CNTNAP2: variants seen among roughly 807,000 people sequenced by gnomAD.
CNTNAP2 encodes the protein contactin associated protein 2, also known as contactin-associated protein-like 2.
Under a neutral mutation model 155.2 loss-of-function variants are expected in CNTNAP2, and 98 were observed. The ratio of observed to expected loss-of-function variants is 0.63; its 90% CI spans 0.54 to 0.75. The LOEUF (loss-of-function observed/expected upper bound fraction) is 0.75, where lower values mean the gene tolerates loss of function less well. CNTNAP2 is among the 30% of genes least tolerant of loss of function. The pLI is 0.00. For synonymous variants in CNTNAP2, 651 were observed against 631.2 expected (o/e 1.03, Z -0.47); for missense variants, 1,727 against 1,688.1 (o/e 1.02, Z -0.40).
At chr7:147,361,817 T>A (rs55738652) in intron 9 of CNTNAP2, among the ~76,000 whole-genome samples, 3,010 of 152,288 alleles carry the variant, frequency 0.02, 97 homozygotes, top group African/African-American at 0.069. Context: ...TCACCTTTTT[T>A]ATTTTTAACA....
chr7:147,421,446 A>G (rs1171760160), intron 10 of CNTNAP2, among the ~76,000 whole-genome samples: 1 of 152,058 alleles, frequency 6.6e-6, no homozygotes, highest in Admixed American at 6.6e-5. Context: ...CACAGCATCC[A>G]TTCTATTTTA....
intron 1 of CNTNAP2, among the ~76,000 whole-genome samples, chr7:146,670,346 G>A (rs939788834): frequency 6.6e-6 from 1 of 152,220 alleles, no homozygotes; most frequent in African/African-American, 2.4e-5. Context: ...AATTTTGCCT[G>A]CACCTCATTC....
chr7:147,151,537 A>C (rs1801825509), intron 8 of CNTNAP2, among the ~76,000 whole-genome samples: 1 of 152,184 alleles, frequency 6.6e-6, no homozygotes, highest in Admixed American at 6.5e-5. Flanking sequence ...AAATATTCAC[A>C]TCTTGTTTGG....
intron 4 of CNTNAP2, among the ~76,000 whole-genome samples, chr7:147,090,904 TA>T (rs1403677180): frequency 9.2e-5 from 14 of 152,142 alleles, no homozygotes; most frequent in African/African-American, 3.4e-4. Flanking sequence ...CATAATGTGC[TA>T]AAATAATCAA....
intron 8 of CNTNAP2, among the ~76,000 whole-genome samples, chr7:147,160,649 G>A (rs1214125962): frequency 6.6e-6 from 1 of 152,102 alleles, no homozygotes; most frequent in Non-Finnish European, 1.5e-5. Flanking sequence ...GTAATATGAT[G>A]TGTTAAGTAC....
intron 3 of CNTNAP2, among the ~76,000 whole-genome samples, chr7:146,855,807 G>GTATATATATATA (rs367900395): frequency 1.8e-5 from 2 of 111,020 alleles, no homozygotes; most frequent in African/African-American, 3.2e-5. Context: ...GTGTTAATGA[G>GTATATATATATA]TATATATATA....
chr7:148,138,513 T>C (rs1437545139), intron 16 of CNTNAP2, among the ~76,000 whole-genome samples: 2 of 152,184 alleles, frequency 1.3e-5, no homozygotes, highest in Non-Finnish European at 2.9e-5. Flanking sequence ...CCAAAGCACA[T>C]TTCCTTAAAT....
At chr7:148,079,903 G>C (rs1349456117) in intron 15 of CNTNAP2, among the ~76,000 whole-genome samples, 3 of 152,166 alleles carry the variant, frequency 2.0e-5, no homozygotes, top group African/African-American at 7.2e-5. Flanking sequence ...ACTTTGGAAT[G>C]CCCTTGGCTG....
intron 3 of CNTNAP2, among the ~76,000 whole-genome samples, chr7:146,843,296 G>A (rs1199198209): frequency 6.7e-6 from 1 of 150,296 alleles, no homozygotes; most frequent in African/African-American, 2.5e-5. Context: ...ACAGGCGTGA[G>A]CCACCGCGCC....
At chr7:146,997,072 T>G (rs1798326106) in intron 3 of CNTNAP2, among the ~76,000 whole-genome samples, 1 of 152,068 alleles carries the variant, frequency 6.6e-6, no homozygotes, top group Non-Finnish European at 1.5e-5. Context: ...AACCTCTTTT[T>G]CTTTATAAAT....
intron 11 of CNTNAP2, among the ~76,000 whole-genome samples, chr7:147,512,331 TG>T (rs1034352137): frequency 6.6e-5 from 10 of 152,170 alleles, no homozygotes; most frequent in African/African-American, 2.4e-4. Flanking sequence ...TAAATTTTTT[TG>T]CACAATCAAA....
At chr7:147,136,015 T>A (rs899073672) in intron 8 of CNTNAP2, among the ~76,000 whole-genome samples, 1 of 151,124 alleles carries the variant, frequency 6.6e-6, no homozygotes, top group African/African-American at 2.4e-5. Context: ...TACATTACTA[T>A]TTGAATTATA....
intron 1 of CNTNAP2, among the ~76,000 whole-genome samples, chr7:146,451,197 T>C (rs1236983611): frequency 1.3e-5 from 2 of 152,132 alleles, no homozygotes; most frequent in Non-Finnish European, 2.9e-5. Context: ...CTGCCCACCT[T>C]GGCCTCCCAA....
intron 1 of CNTNAP2, among the ~76,000 whole-genome samples, chr7:146,224,641 C>T (rs1018945255): frequency 1.4e-4 from 21 of 151,168 alleles, no homozygotes; most frequent in African/African-American, 5.1e-4. Context: ...TGGTGGTGGG[C>T]GCCTGTAGTC....
intron 9 of CNTNAP2, among the ~76,000 whole-genome samples, chr7:147,328,748 GC>G (rs1227571283): frequency 6.6e-6 from 1 of 152,072 alleles, no homozygotes; most frequent in Non-Finnish European, 1.5e-5. Flanking sequence ...CCTTATACAT[GC>G]ATATACCATT....
At chr7:147,525,780 A>G (rs1799307985) in intron 11 of CNTNAP2, among the ~76,000 whole-genome samples, 1 of 152,220 alleles carries the variant, frequency 6.6e-6, no homozygotes, top group South Asian at 2.1e-4. Flanking sequence ...AACTGTATTA[A>G]TATTATGACT....
chr7:147,554,506 T>C (rs1005296946), intron 11 of CNTNAP2, among the ~76,000 whole-genome samples: 4 of 152,074 alleles, frequency 2.6e-5, no homozygotes, highest in African/African-American at 9.7e-5. Context: ...GTAGATATAC[T>C]CTGGCTTTCA....
chr7:147,514,781 G>C (rs1030802612), intron 11 of CNTNAP2, among the ~76,000 whole-genome samples: 1 of 151,970 alleles, frequency 6.6e-6, no homozygotes. Flanking sequence ...CACAACCCAC[G>C]TCTACCCCAT....
chr7:146,221,838 G>C (rs527307309), intron 1 of CNTNAP2, among the ~76,000 whole-genome samples: 2 of 152,208 alleles, frequency 1.3e-5, no homozygotes, highest in South Asian at 4.2e-4. Flanking sequence ...TATTTTGCTA[G>C]GTGAACAAGT....
Sources: gnomAD v4.1 joint callset for allele counts (sites outside exome capture counted in the v4.1 genomes callset) on GRCh38, gnomAD v4.1.1 for gene constraint, MANE v1.5 for transcripts, NCBI Gene and HGNC (gene_info 2026-07-23, HGNC 2026-07-21) for gene names.